The following ALDH3A2 variants were observed in gnomAD, a reference collection of about 807,000 sequenced individuals.
ALDH3A2 encodes aldehyde dehydrogenase family 3 member A2.
ALDH3A2 carries 36 observed loss-of-function variants against 51.3 expected under a neutral mutation model. The ratio of observed to expected loss-of-function variants is 0.70; its 90% CI spans 0.54 to 0.93. The LOEUF (loss-of-function observed/expected upper bound fraction) is 0.93. Among genes scored for constraint, ALDH3A2 ranks in the 40% least tolerant of loss-of-function variants. The pLI, the probability that ALDH3A2 is intolerant of heterozygous loss-of-function variation, is 0.00. For missense variants in ALDH3A2, 552 were observed against 603.1 expected, an observed-to-expected ratio of 0.92 and a Z score of 0.89; for synonymous variants, 199 against 219.8, an observed-to-expected ratio of 0.91 and a Z score of 0.84.
At chr17:19,650,476 C>T (rs1461926441) in intron 1 of ALDH3A2, among the ~76,000 whole-genome samples, 2 of 151,712 alleles carry the variant, frequency 1.3e-5, no homozygotes, top group East Asian at 1.9e-4. Context: ...TTTCTTGAGG[C>T]GGAGTCTCGC....
Position 19,671,788 on chromosome 17 carries a change from T to A in ALDH3A2, c.1275T>A (p.Cys425Ter). Residue 425 changes from cysteine to a stop codon, truncating the protein, a stop_gained, in exon 9 of 10, where the codon TGT becomes TGA. Transcript: ENST00000176643. LOFTEE classifies it high-confidence loss of function. ...ATACTTTTTCTCATCAGCGTCCCTGTTTATTAAAAAGTTTAAAGAGAGAAG... is the reference window on the plus strand; with the variant it reads ...ATACTTTTTCTCATCAGCGTCCCTGATTATTAAAAAGTTTAAAGAGAGAAG... ...SFDTFSHQRP[C>*]LLKSLKREGA... 6.2e-7 allele frequency: 1 copy of A among 1,614,184 alleles called. No homozygotes were observed. The highest frequency in any genetic ancestry group is 2.2e-5 in the East Asian group (1 of 44,884).
chr17:19,675,343 GTTA>G (rs890807610), intron 9 of ALDH3A2: 37 of 603,552 alleles, frequency 6.1e-5, no homozygotes, highest in East Asian at 4.2e-4. Flanking sequence ...TACTCTTATT[GTTA>G]TTGTTGTTTT....
chr17:19,671,876 C>T lies in ALDH3A2; in HGVS notation c.1363C>T (p.Leu455Phe), dbSNP rs866864073. 1 of 1,614,188 alleles carries T rather than the reference C, an allele frequency of 6.2e-7. No individual in the cohort carries two copies. Among genetic ancestry groups the T allele is most frequent in the East Asian group, 2.2e-5 (1 of 44,888 alleles). The change falls in exon 9 of 10, where the codon CTC becomes TTC. Residue 455 changes from leucine to phenylalanine, a missense_variant. Coordinates refer to ENST00000176643, the MANE Select transcript of ALDH3A2 (RefSeq NM_000382.3). ...QSKVDWGKFFLLKRFNKEKLG... is the reference protein window; with the variant it reads ...QSKVDWGKFFFLKRFNKEKLG... ...AAAGGTGGATTGGGGAAAATTTTTTCTCTTGAAACGGTTCAACAAAGAAAA... is the reference window on the plus strand; with the variant it reads ...AAAGGTGGATTGGGGAAAATTTTTTTTCTTGAAACGGTTCAACAAAGAAAA...
chr17:19,652,802 T>C, intron 3 of ALDH3A2, 170 bp downstream of exon 3: 1 of 645,402 alleles, frequency 1.5e-6, no homozygotes, highest in Non-Finnish European at 2.8e-6. Flanking sequence ...ACGGAGTGTA[T>C]TTTGTGTGGA....
chr17:19,656,380 T>A lies in ALDH3A2; in HGVS notation c.486T>A (p.Val162=). Residue 162 remains valine (V), a synonymous_variant, in exon 4 of 10, where the codon GTT becomes GTA. Coordinates refer to ENST00000176643, the MANE Select transcript of ALDH3A2 (RefSeq NM_000382.3). ...PQYLDQDLYI[V]INGGVEETTE... ...CTTTCTTTGAGGATCTCTATATTGT[T>A]ATTAATGGTGGTGTTGAGGAAACCA... 6.2e-7 allele frequency: 1 copy of A among 1,613,948 alleles called. No homozygotes were observed. Among genetic ancestry groups the A allele is most frequent in the Non-Finnish European group, 8.5e-7 (1 of 1,179,826 alleles).
chr17:19,675,388 C>G, intron 9 of ALDH3A2, 170 bp from the exon 10 acceptor site: 1 of 709,808 alleles, frequency 1.4e-6, no homozygotes, highest in East Asian at 2.5e-5. Flanking sequence ...TGGCCTAAAC[C>G]GTGCTTCCTA....
rs192447227 is a variant in ALDH3A2 at position 19,652,503 on chromosome 17, A to G, written c.386-44A>G. The G allele has an allele frequency of 2.8e-3, 4,089 of 1,458,894 alleles. 22 individuals carry two copies. Among genetic ancestry groups the G allele is most frequent in the Middle Eastern group, 0.015 (75 of 4,854 alleles). The allele number at this position is 1,458,894 out of a possible 1,614,324, so 90.4% of individuals were successfully genotyped here. ...TGAACATCATTTTGGTAGCTATTAAAGTTAAATATTAGATGATACTGTTCT... is the reference window on the plus strand; with the variant it reads ...TGAACATCATTTTGGTAGCTATTAAGGTTAAATATTAGATGATACTGTTCT... On this transcript the variant is annotated intron_variant, in intron 2 of 9. Coordinates refer to ENST00000176643, the MANE Select transcript of ALDH3A2 (RefSeq NM_000382.3).
chr17:19,661,359 T>G (rs1286266018), intron 6 of ALDH3A2, 91 bp downstream of exon 6: 2 of 1,413,716 alleles, frequency 1.4e-6, no homozygotes, highest in South Asian at 2.4e-5. Context: ...CTATTAAATA[T>G]ATAGCATTTA....
At position 19,675,563 on chromosome 17, in the gene ALDH3A2, A is replaced by G. The variant is rs1480960264; in HGVS notation, c.1449A>G (p.Glu483=). The part of the protein sequence containing the change: ...GIVAAVLVKA[E]YY Reference sequence around the variant, plus strand: ...TCCTTTTTTCCTCTCTCCAGGCAGAATATTACTGAAGAATGATCCTGTTCA... The same window carrying G: ...TCCTTTTTTCCTCTCTCCAGGCAGAGTATTACTGAAGAATGATCCTGTTCA... The change falls in exon 10 of 10, where the codon GAA becomes GAG. Residue 483 remains glutamate, a synonymous_variant. Transcript: ENST00000176643. The G allele has an allele frequency of 5.0e-6, 8 of 1,613,816 alleles. No homozygotes were observed. The highest frequency in any genetic ancestry group is 2.2e-5 in the East Asian group (1 of 44,878).
intron 5 of ALDH3A2, among the ~76,000 whole-genome samples, chr17:19,660,334 C>T (rs963833824): frequency 3.3e-5 from 5 of 151,868 alleles, no homozygotes; most frequent in East Asian, 1.9e-4. Flanking sequence ...GAGTCAGAGC[C>T]CAGGCACATG....
rs2085187909 is a variant in ALDH3A2, at chr17:19,676,306, A to T, written c.*734A>T. 6.6e-6 allele frequency: 1 copy of T among 152,238 alleles called. No individual in the cohort carries two copies. The highest frequency in any genetic ancestry group is 1.5e-5 in the Non-Finnish European group (1 of 68,080). 9.4% of individuals were successfully genotyped at this position (152,238 alleles called of 1,614,324 possible). A position where few individuals can be genotyped will look rare whatever the true frequency, so the allele number is the denominator to read the frequency against. ...CAAAGTCATGCAAGCATCACCTGTC[A>T]TTCTTGTGTTGGAGTTATAGAATTC... On this transcript the variant is annotated 3_prime_UTR_variant, in exon 10 of 10. Coordinates refer to ENST00000176643, the MANE Select transcript of ALDH3A2 (RefSeq NM_000382.3).
At chr17:19,660,579 G>C (rs1022355018) in intron 5 of ALDH3A2, among the ~76,000 whole-genome samples, 2 of 152,122 alleles carry the variant, frequency 1.3e-5, no homozygotes, top group African/African-American at 4.8e-5. Context: ...TTGATCCTTC[G>C]GGTGGTTTCA....
intron 2 of ALDH3A2, 51 bp from the exon 3 acceptor site, chr17:19,652,493 TAGC>T: frequency 7.4e-7 from 1 of 1,353,974 alleles, no homozygotes; most frequent in Non-Finnish European, 1.1e-6. Flanking sequence ...ATCATTTTGG[TAGC>T]TATTAAAGTT....
chr17:19,670,566 T>TC (rs1189120986), intron 8 of ALDH3A2, among the ~76,000 whole-genome samples: 1 of 149,626 alleles, frequency 6.7e-6, no homozygotes, highest in East Asian at 1.9e-4. Context: ...CCTTATTCTT[T>TC]TTTTTTTTTT....
intron 1 of ALDH3A2, 113 bp from the exon 2 acceptor site, chr17:19,651,434 C>A: frequency 2.2e-6 from 2 of 899,394 alleles, no homozygotes; most frequent in South Asian, 1.4e-5. Context: ...AACAGCTAGT[C>A]TGATAATGCC....
At position 19,675,810 on chromosome 17, in the gene ALDH3A2, T is replaced by C; in HGVS notation, c.*238T>C. On this transcript the variant is annotated 3_prime_UTR_variant, in exon 10 of 10. Transcript: ENST00000176643. The stretch of plus-strand genomic sequence containing the variant: ...GTCTTAAATTGTGCTTATCTAAATC[T>C]TGGAACTTTGAGCTAGGGGAGGAGA... 1.8e-6 allele frequency: 1 copy of C among 565,016 alleles called. No individual in the cohort carries two copies. Among genetic ancestry groups the C allele is most frequent in the South Asian group, 2.0e-5 (1 of 49,360 alleles). The allele number at this position is 565,016 out of a possible 1,614,324, so 35.0% of individuals were successfully genotyped here. A position where few individuals can be genotyped will look rare whatever the true frequency, so the allele number is the denominator to read the frequency against.
At chr17:19,674,312 A>G (rs529547422) in intron 9 of ALDH3A2, 4 of 152,104 alleles carry the variant, frequency 2.6e-5, no homozygotes, top group Non-Finnish European at 4.4e-5. Flanking sequence ...CCTCATGGAA[A>G]ATACGGAGGC....
intron 9 of ALDH3A2, chr17:19,673,075 G>A (rs1310053374): frequency 1.1e-5 from 18 of 1,590,708 alleles, no homozygotes; most frequent in Non-Finnish European, 1.5e-5. Flanking sequence ...AAAGGGGTTT[G>A]GCTCATCTTA....
intron 9 of ALDH3A2, chr17:19,675,308 T>C (rs1477405584): frequency 1.8e-6 from 1 of 542,322 alleles, no homozygotes; most frequent in Non-Finnish European, 3.3e-6. Flanking sequence ...GTGGACAGAA[T>C]ATAGCCTTCA....
Sources: allele counts gnomAD v4.1 joint callset (sites outside exome capture counted in the v4.1 genomes callset), GRCh38; gene constraint gnomAD v4.1.1; transcripts MANE v1.5; gene names NCBI Gene and HGNC (gene_info 2026-07-23, HGNC 2026-07-21).